The following DMD variants were observed in gnomAD, a reference collection of about 807,000 sequenced individuals.
DMD encodes the protein mutant dystrophin.
Under a neutral mutation model 330.1 loss-of-function variants are expected in DMD, and 63 were observed. The ratio of observed to expected loss-of-function variants is 0.19; its 90% confidence interval spans 0.16 to 0.24. DMD has a LOEUF of 0.24. Ranked by LOEUF, DMD falls within the 10% of genes least tolerant of loss-of-function variation. The probability of loss-of-function intolerance (pLI) is 1.00; values close to 1 mark genes in which losing one functional copy is unlikely to be tolerated. For missense variants in DMD, 3,344 were observed against 2,684.1 expected (o/e 1.25, Z -5.43); for synonymous variants, 1,223 against 959.8 (o/e 1.27, Z -5.07).
At chrX:31,460,577 G>T (rs971979081) in intron 59 of DMD, among the ~76,000 whole-genome samples, 17 of 111,675 alleles carry the variant, frequency 1.5e-4, no homozygotes, top group African/African-American at 5.5e-4. Flanking sequence ...GAAAAGTTAT[G>T]TGACTAAATA....
At position 32,468,523 on chromosome X, in the gene DMD, T is replaced by C. The variant is rs2040288189; in HGVS notation, c.3137A>G (p.Gln1046Arg). 8.3e-7 allele frequency: 1 copy of C among 1,209,117 alleles called. No homozygotes were observed. Among genetic ancestry groups the C allele is most frequent in the East Asian group, 3.0e-5 (1 of 33,735 alleles). The change falls in exon 23 of 79, where the codon CAA becomes CGA. Residue 1046 changes from glutamine (Q) to arginine (R), a missense_variant. By Grantham distance (43) the Gln-to-Arg change is conservative. Transcript: ENST00000357033. The stretch of plus-strand genomic sequence containing the variant: ...CTGAATTTTTCGGAGTTTATTCATT[T>C]GCTCCTCTAGCTTTTGACAATGCTC... Reference protein sequence around the residue: ...LVEHCQKLEEQMNKLRKIQNH... With the variant: ...LVEHCQKLEERMNKLRKIQNH...
At chrX:31,397,927 A>T (rs201684987) in intron 60 of DMD, among the ~76,000 whole-genome samples, 2 of 112,707 alleles carry the variant, frequency 1.8e-5, no homozygotes, top group East Asian at 5.5e-4. Flanking sequence ...GGTTATAACA[A>T]ATGCATGAAC....
At chrX:31,885,158 C>G (rs999964015) in intron 47 of DMD, among the ~76,000 whole-genome samples, 6 of 110,960 alleles carry the variant, frequency 5.4e-5, no homozygotes, top group African/African-American at 2.0e-4. Context: ...CTAAAATTAT[C>G]AAGTGAGGAT....
intron 51 of DMD, among the ~76,000 whole-genome samples, chrX:31,764,440 A>G (rs757740260): frequency 6.0e-4 from 67 of 111,670 alleles, no homozygotes; most frequent in Non-Finnish European, 8.3e-4. Flanking sequence ...ACATGACAGA[A>G]AGCTTAGCCT....
rs142854442 is a variant in DMD, at chrX:31,836,098, T to C, written c.7200+620A>G. Reference sequence around the variant, plus strand: ...CTGGCTTTCCATCTCCCTCCTTATGTAATAGCCTGTGAATAAATGTGACCT... The same window carrying C: ...CTGGCTTTCCATCTCCCTCCTTATGCAATAGCCTGTGAATAAATGTGACCT... On this transcript the variant is annotated intron_variant, in intron 49 of 78. Coordinates refer to ENST00000357033, the MANE Select transcript of DMD (RefSeq NM_004006.3). Among the ~76,000 whole-genome samples the C allele has an allele frequency of 9.5e-3, 1,056 of 111,693 alleles. 35 individuals are homozygous for C. The highest frequency in any genetic ancestry group is 0.087 in the Admixed American group (904 of 10,440).
rs59267135 is a variant in DMD, at chrX:31,379,435, C to A, written c.9085-30801G>T. On this transcript the variant is annotated intron_variant, in intron 60 of 78. Coordinates refer to ENST00000357033, the MANE Select transcript of DMD (RefSeq NM_004006.3). Reference sequence around the variant, plus strand: ...ATAAAAAAACAAGCCCAGTTCATGGCTCGTTTGGCAACAACCCTGAGATGC... The same window carrying A: ...ATAAAAAAACAAGCCCAGTTCATGGATCGTTTGGCAACAACCCTGAGATGC... Among the ~76,000 whole-genome samples, 1,103 of 111,430 alleles carry A rather than the reference C, an allele frequency of 9.9e-3. 14 individuals are homozygous for A. The highest frequency in any genetic ancestry group is 0.034 in the African/African-American group (1,029 of 30,560).
At chrX:31,579,718 T>C (rs1401177501) in intron 55 of DMD, among the ~76,000 whole-genome samples, 1 of 112,517 alleles carries the variant, frequency 8.9e-6, no homozygotes, top group Non-Finnish European at 1.9e-5. Context: ...AATAATAGTA[T>C]ATGTGTTATT....
At chrX:31,490,903 A>G (rs1409769574) in intron 57 of DMD, among the ~76,000 whole-genome samples, 2 of 112,617 alleles carry the variant, frequency 1.8e-5, no homozygotes, top group Non-Finnish European at 3.7e-5. Context: ...TGACTTCTGA[A>G]GAAATCGAAC....
At chrX:32,405,242 G>C (rs979062157) in intron 30 of DMD, among the ~76,000 whole-genome samples, 1 of 111,539 alleles carries the variant, frequency 9.0e-6, no homozygotes, top group African/African-American at 3.3e-5. Flanking sequence ...GGCTCAGCAT[G>C]GTTACTTAGA....
chrX:32,178,467 T>G (rs1354433772), intron 44 of DMD, among the ~76,000 whole-genome samples: 1 of 110,230 alleles, frequency 9.1e-6, no homozygotes, highest in African/African-American at 3.3e-5. Flanking sequence ...TTTTTCACTC[T>G]GTGGCAAGAA....
chrX:31,236,577 C>T (rs1216520982), intron 63 of DMD, among the ~76,000 whole-genome samples: 1 of 112,162 alleles, frequency 8.9e-6, no homozygotes, highest in East Asian at 2.8e-4. Context: ...ATGGGTAAGG[C>T]ACTCTTCTAG....
At chrX:32,853,877 G>A (rs2081343163) in intron 2 of DMD, among the ~76,000 whole-genome samples, 1 of 109,951 alleles carries the variant, frequency 9.1e-6, no homozygotes, top group Admixed American at 9.7e-5. Flanking sequence ...AAAATTAAGG[G>A]ATGTAAAAAG....
At chrX:32,643,599 CCT>C (rs1288940132) in intron 11 of DMD, among the ~76,000 whole-genome samples, 13 of 111,253 alleles carry the variant, frequency 1.2e-4, no homozygotes, top group African/African-American at 3.3e-4. Context: ...TGTCTCAAAT[CCT>C]CTTTTTTATT....
chrX:32,699,062 A>G (rs1172392666), intron 8 of DMD, 50 bp downstream of exon 8: 1 of 1,101,314 alleles, frequency 9.1e-7, no homozygotes, highest in South Asian at 1.8e-5. Flanking sequence ...CTAAAAATGC[A>G]TATAAAACAG....
intron 43 of DMD, among the ~76,000 whole-genome samples, chrX:32,276,734 A>G (rs973015211): frequency 3.4e-4 from 38 of 110,685 alleles, no homozygotes; most frequent in Non-Finnish European, 7.2e-4. Flanking sequence ...AGCCTGGCCA[A>G]CATCATGAAA....
At chrX:31,795,320 T>C (rs1324804062) in intron 50 of DMD, among the ~76,000 whole-genome samples, 2 of 112,484 alleles carry the variant, frequency 1.8e-5, no homozygotes, top group Admixed American at 9.5e-5. Context: ...CTAATACATA[T>C]ACTAATGATA....
At chrX:32,273,328 G>A (rs1439215032) in intron 43 of DMD, among the ~76,000 whole-genome samples, 4 of 110,482 alleles carry the variant, frequency 3.6e-5, no homozygotes, top group Non-Finnish European at 7.6e-5. Context: ...GCAGTGGTGT[G>A]CCTCTGTAAT....
At chrX:31,230,823 C>T (rs897796788) in intron 63 of DMD, among the ~76,000 whole-genome samples, 1 of 111,997 alleles carries the variant, frequency 8.9e-6, no homozygotes, top group Admixed American at 9.5e-5. Flanking sequence ...GCATTTCTGG[C>T]TCCCTCCTCT....
chrX:32,378,889 T>C (rs1409665520), intron 34 of DMD, among the ~76,000 whole-genome samples: 1 of 111,070 alleles, frequency 9.0e-6, no homozygotes, highest in Non-Finnish European at 1.9e-5. Context: ...ATGTACTCAA[T>C]AGTCACGGGG....
Sources: allele counts gnomAD v4.1 joint callset (sites outside exome capture counted in the v4.1 genomes callset), GRCh38; gene constraint gnomAD v4.1.1; transcripts MANE v1.5; gene names NCBI Gene and HGNC (gene_info 2026-07-23, HGNC 2026-07-21).